The following MN1 variants were observed in gnomAD, a reference collection of about 807,000 sequenced individuals.
MN1 encodes MN1 proto-oncogene, transcriptional regulator.
In MN1, 19 loss-of-function variants were observed where a neutral mutation model predicts 86.9. That is an observed-to-expected ratio of 0.22 (90% CI 0.15 to 0.32). The LOEUF (loss-of-function observed/expected upper bound fraction) is 0.32, where lower values mean the gene tolerates loss of function less well. Among genes scored for constraint, MN1 ranks in the 10% least tolerant of loss-of-function variants. The pLI, the probability that MN1 is intolerant of heterozygous loss-of-function variation, is 1.00. For synonymous variants in MN1, 928 were observed against 849.6 expected, an observed-to-expected ratio of 1.09 and a Z score of -1.60; for missense variants, 1,841 against 1,862.0, an observed-to-expected ratio of 0.99 and a Z score of 0.21.
At chr22:27,769,604 GTGCAGTGGC>G (rs1471904225) in intron 1 of MN1, among the ~76,000 whole-genome samples, 1,756 of 114,914 alleles carry the variant, frequency 0.015, 39 homozygotes, top group African/African-American at 0.058. Flanking sequence ...CCAGGCTGGA[GTGCAGTGGC>G]GCAATCTCGG....
chr22:27,792,343 T>C (rs915762368), intron 1 of MN1, among the ~76,000 whole-genome samples: 1 of 139,590 alleles, frequency 7.2e-6, no homozygotes, highest in African/African-American at 2.8e-5. Context: ...TATATATATA[T>C]ATATATATGA....
At chr22:27,786,050 C>T (rs549382400) in intron 1 of MN1, among the ~76,000 whole-genome samples, 50 of 152,372 alleles carry the variant, frequency 3.3e-4, no homozygotes, top group Non-Finnish European at 5.9e-4. Flanking sequence ...AAGGCAAGGC[C>T]TTGGTGGGAA....
chr22:27,785,658 CT>C (rs1484779906), intron 1 of MN1, among the ~76,000 whole-genome samples: 1 of 152,124 alleles, frequency 6.6e-6, no homozygotes, highest in Non-Finnish European at 1.5e-5. Flanking sequence ...TGGCTGCTCT[CT>C]TCCGGCTTTA....
chr22:27,753,315 G>A (rs1245839900), intron 1 of MN1, among the ~76,000 whole-genome samples: 4 of 152,294 alleles, frequency 2.6e-5, no homozygotes, highest in South Asian at 2.1e-4. Context: ...ACCAAAGCAC[G>A]GTCACTTTGA....
At chr22:27,761,257 A>T (rs1274836511) in intron 1 of MN1, among the ~76,000 whole-genome samples, 2 of 131,848 alleles carry the variant, frequency 1.5e-5, no homozygotes, top group African/African-American at 2.9e-5. Context: ...GCTCTTATTC[A>T]CCCTCCCTCT....
chr22:27,754,968 C>G (rs1174651410), intron 1 of MN1, among the ~76,000 whole-genome samples: 1 of 152,188 alleles, frequency 6.6e-6, no homozygotes, highest in African/African-American at 2.4e-5. Flanking sequence ...CTGTTCACCC[C>G]CCGACCCTGC....
chr22:27,769,207 C>A (rs1444214708), intron 1 of MN1, among the ~76,000 whole-genome samples: 1 of 152,080 alleles, frequency 6.6e-6, no homozygotes, highest in Non-Finnish European at 1.5e-5. Flanking sequence ...GCACTCCCTC[C>A]TAGGGAACCT....
chr22:27,759,476 A>C (rs926183644), intron 1 of MN1, among the ~76,000 whole-genome samples: 2 of 151,654 alleles, frequency 1.3e-5, no homozygotes. Context: ...TCCCACCCCA[A>C]CCCTCCCAGA....
At chr22:27,753,198 G>C (rs1022182338) in intron 1 of MN1, among the ~76,000 whole-genome samples, 1 of 152,184 alleles carries the variant, frequency 6.6e-6, no homozygotes, top group Non-Finnish European at 1.5e-5. Context: ...CCTTCTATAT[G>C]CCAGGCATGG....
In MN1 at chr22:27,797,735, C is replaced by T; in HGVS notation, c.2809G>A (p.Gly937Arg). Residue 937 changes from glycine to arginine, a missense_variant, in exon 1 of 2, where the codon GGG becomes AGG. Coordinates refer to ENST00000302326, the MANE Select transcript of MN1 (RefSeq NM_002430.3). ...TSGNDGKPVS[G>R]GGGRGRGRRK... ...CGACCCCGTCCCCGGCCGCCGCCCC[C>T]GGAGACCGGCTTGCCGTCATTCCCC... 6.2e-7 allele frequency: 1 copy of T among 1,611,524 alleles called. No homozygotes were observed. Among genetic ancestry groups the T allele is most frequent in the Non-Finnish European group, 8.5e-7 (1 of 1,179,496 alleles).
At position 27,801,328 on chromosome 22, in the gene MN1, G is replaced by GTGCGCTGCGTTCGGCAGCGGA. The variant is rs1933437251; in HGVS notation, c.-786_-785insTCCGCTGCCGAACGCAGCGCA. The GTGCGCTGCGTTCGGCAGCGGA allele has an allele frequency of 4.6e-6, 1 of 218,734 alleles. No individual in the cohort carries two copies. The highest frequency in any genetic ancestry group is 2.2e-5 in the African/African-American group (1 of 44,514). 13.5% of individuals were successfully genotyped at this position (218,734 alleles called of 1,614,324 possible). ...GCGCGGCTCCTCTGCTCGGCAGCGG[G>GTGCGCTGCGTTCGGCAGCGGA]TGCGCTGCGTTCGGCGCGCAGCTTC... On this transcript the variant is annotated 5_prime_UTR_variant, in exon 1 of 2. Transcript: ENST00000302326.
chr22:27,799,449 G>GGGTGGC lies in MN1; in HGVS notation c.1089_1094dup (p.Pro364_Pro365dup). 2 of 1,460,888 alleles carry GGGTGGC rather than the reference G, an allele frequency of 1.4e-6. No individual in the cohort carries two copies. Among genetic ancestry groups the GGGTGGC allele is most frequent in the South Asian group, 1.4e-5 (1 of 69,472 alleles). The allele number at this position is 1,460,888 out of a possible 1,614,324, so 90.5% of individuals were successfully genotyped here. A position where few individuals can be genotyped will look rare whatever the true frequency, so the allele number is the denominator to read the frequency against. On this transcript the variant is annotated inframe_insertion, in exon 1 of 2. Coordinates refer to ENST00000302326, the MANE Select transcript of MN1 (RefSeq NM_002430.3). ...ACGAATTTTGTCGGACTAGAAGCCCGGGTGGCGGCGGCGGCTGCTGCTGTG... is the reference window on the plus strand; with the variant it reads ...ACGAATTTTGTCGGACTAGAAGCCCGGGTGGCGGTGGCGGCGGCGGCTGCTGCTGTG...
At chr22:27,768,153 C>T (rs1932884842) in intron 1 of MN1, among the ~76,000 whole-genome samples, 1 of 152,178 alleles carries the variant, frequency 6.6e-6, no homozygotes, top group South Asian at 2.1e-4. Flanking sequence ...GTCTCCCACT[C>T]TCCCAAACAC....
intron 1 of MN1, among the ~76,000 whole-genome samples, chr22:27,770,750 C>T (rs1327203920): frequency 6.7e-6 from 1 of 148,346 alleles, no homozygotes; most frequent in Non-Finnish European, 1.5e-5. Context: ...TCTCAACCTC[C>T]CAGACCCAAG....
intron 1 of MN1, among the ~76,000 whole-genome samples, chr22:27,784,243 C>T (rs1933091377): frequency 6.6e-6 from 1 of 152,192 alleles, no homozygotes; most frequent in African/African-American, 2.4e-5. Context: ...TGAGCCTCCT[C>T]CCAGGCCAGG....
chr22:27,799,020 C>A lies in MN1; in HGVS notation c.1524G>T (p.Ser508=), dbSNP rs572852628. 3.1e-6 allele frequency: 5 copies of A among 1,611,356 alleles called. No homozygotes were observed. The African/African-American group carries it at 5.3e-5, about 17-fold the overall frequency. The change falls in exon 1 of 2, where the codon TCG becomes TCT. Residue 508 remains serine, a synonymous_variant. Transcript: ENST00000302326. ...GGGCCGGATGCTGCAGGGGCGGCCC[C>A]GAAGGGAAGCTGTCGGGCACAGGCG... ...FTPPVPDSFP[S]GPPLQHPAPD... is the part of the protein sequence containing the mutation.
chr22:27,798,612 G>A lies in MN1; in HGVS notation c.1932C>T (p.Pro644=), dbSNP rs1933356721. 2 of 1,561,758 alleles carry A rather than the reference G, an allele frequency of 1.3e-6. No homozygotes were observed. Among genetic ancestry groups the A allele is most frequent in the Admixed American group, 1.8e-5 (1 of 55,044 alleles). Reference sequence around the variant, plus strand: ...GCAGACCCGAGCCGCCCATCCTACGGGGCAGCAGGTCTCCGGGCGGCGGAT... The same window carrying A: ...GCAGACCCGAGCCGCCCATCCTACGAGGCAGCAGGTCTCCGGGCGGCGGAT... ...GPHPPPGDLL[P]RRMGGSGLPA... is the part of the protein sequence containing the mutation. The change falls in exon 1 of 2, where the codon CCC becomes CCT. Residue 644 remains proline (P), a synonymous_variant. Coordinates refer to ENST00000302326, the MANE Select transcript of MN1 (RefSeq NM_002430.3).
At chr22:27,796,581 TG>T (rs545460523) in intron 1 of MN1, among the ~76,000 whole-genome samples, 181 bp downstream of exon 1, 8 of 66,326 alleles carry the variant, frequency 1.2e-4, no homozygotes, top group Admixed American at 1.6e-4. Flanking sequence ...GCAGTGTGTG[TG>T]GGGGGGTCTG....
chr22:27,799,656 C>G lies in MN1; in HGVS notation c.888G>C (p.Gln296His), dbSNP rs763473301. The change falls in exon 1 of 2, where the codon CAG (glutamine) becomes CAC (histidine). Residue 296 changes from glutamine (Q) to histidine (H), a missense_variant. Gln to His is a conservative substitution (Grantham distance 24). Coordinates refer to ENST00000302326, the MANE Select transcript of MN1 (RefSeq NM_002430.3). ...GCTGGGGCTGCTGCTGCTGCTGGGG[C>G]TGCTGCTGCGGTGGCTGGGCGTGCA... ...SKMHAQPPQQ[Q>H]PQQQQQPQQQ... 1 of 1,550,272 alleles carries G rather than the reference C, an allele frequency of 6.5e-7. No individual in the cohort carries two copies. The highest frequency in any genetic ancestry group is 8.7e-7 in the Non-Finnish European group (1 of 1,146,880).
Sources: gnomAD v4.1 joint callset for allele counts (sites outside exome capture counted in the v4.1 genomes callset) on GRCh38, gnomAD v4.1.1 for gene constraint, MANE v1.5 for transcripts, NCBI Gene and HGNC (gene_info 2026-07-23, HGNC 2026-07-21) for gene names.